Variants in C22orf15 observed in about 807,000 individuals in gnomAD.
C22orf15 encodes the protein chromosome 22 open reading frame 15, also known as uncharacterized protein C22orf15.
C22orf15 carries 21 observed loss-of-function variants against 20.3 expected under a neutral mutation model. The observed-to-expected ratio is 1.04, with a 90% CI of 0.74 to 1.49. The LOEUF (loss-of-function observed/expected upper bound fraction) is 1.49. Among genes scored for constraint, C22orf15 ranks in the 40% most tolerant of loss-of-function variants. C22orf15 has a pLI of 0.00. For missense variants in C22orf15, 170 were observed against 191.1 expected (o/e 0.89, Z 0.65); for synonymous variants, 78 against 75.4 (o/e 1.03, Z -0.18).
At chr22:23,763,967 T>C in intron 1 of C22orf15, 120 bp from the exon 2 acceptor site, 1 of 936,350 alleles carries the variant, frequency 1.1e-6, no homozygotes, top group Non-Finnish European at 1.7e-6. Flanking sequence ...CGGGGCACAG[T>C]CTTAGCCCAT....
At chr22:23,763,380 T>C in intron 1 of C22orf15, 49 bp downstream of exon 1, 9 of 1,513,830 alleles carry the variant, frequency 5.9e-6, no homozygotes, top group Non-Finnish European at 8.0e-6. Flanking sequence ...ATGAGCACAC[T>C]CAGAGGCGTG....
Position 23,764,921 on chromosome 22 carries a change from A to T in C22orf15, c.435+19A>T. On this transcript the variant is annotated intron_variant, in intron 5 of 5. Coordinates refer to ENST00000402217, the MANE Select transcript of C22orf15 (RefSeq NM_182520.3). ...CAGAAAGGTGAGCTCCCTGCCACCC[A>T]GGAGTTGCTAGCTGGGGCAGGGAGC... 6.3e-7 allele frequency: 1 copy of T among 1,597,356 alleles called. No homozygotes were observed. Among genetic ancestry groups the T allele is most frequent in the Non-Finnish European group, 8.5e-7 (1 of 1,170,480 alleles).
chr22:23,765,177 A>T, intron 5 of C22orf15: 1 of 1,437,846 alleles, frequency 7.0e-7, no homozygotes, highest in Non-Finnish European at 9.1e-7. Context: ...GGGCTGGCAC[A>T]CAGTAGGAGC....
At position 23,763,225 on chromosome 22, in the gene C22orf15, C is replaced by T. The variant is rs1269556353; in HGVS notation, c.-82C>T. On this transcript the variant is annotated 5_prime_UTR_variant, in exon 1 of 6. Transcript: ENST00000402217. The stretch of plus-strand genomic sequence containing the variant: ...TCCAGAGCCCGGCCCTGAAGCAGGT[C>T]TCTGCTCCACGCTTTTCCTTAGTTG... 4 of 1,527,806 alleles carry T rather than the reference C, an allele frequency of 2.6e-6. No homozygotes were observed. The African/African-American group carries it at 5.5e-5, about 21-fold the overall frequency. 94.6% of individuals were successfully genotyped at this position (1,527,806 alleles called of 1,614,324 possible). A position where few individuals can be genotyped will look rare whatever the true frequency, so the allele number is the denominator to read the frequency against.
Position 23,765,507 on chromosome 22 carries a change from G to C in C22orf15, c.436-214G>C, listed in dbSNP as rs189824410. The stretch of plus-strand genomic sequence containing the variant: ...GGGGCACCTAAGCTGTGGGTGCAGA[G>C]AATGGGATGCAGAGGTAGAGACAAG... On this transcript the variant is annotated intron_variant, in intron 5 of 5. Coordinates refer to ENST00000402217, the MANE Select transcript of C22orf15 (RefSeq NM_182520.3). 29 of 1,550,404 alleles carry C rather than the reference G, an allele frequency of 1.9e-5. No homozygotes were observed. The African/African-American group carries it at 3.6e-4, about 19-fold the overall frequency.
chr22:23,765,127 A>G, intron 5 of C22orf15: 4 of 1,434,588 alleles, frequency 2.8e-6, no homozygotes, highest in Non-Finnish European at 9.1e-7. Context: ...CCAGCGCACT[A>G]AGGGCCGGAA....
At chr22:23,765,092 A>G in intron 5 of C22orf15, 190 bp downstream of exon 5, 1 of 1,441,782 alleles carries the variant, frequency 6.9e-7, no homozygotes, top group Non-Finnish European at 9.1e-7. Context: ...ACCCTGAGAC[A>G]GGTCCCCACC....
Position 23,763,175 on chromosome 22 carries a change from C to A in C22orf15, c.-132C>A, listed in dbSNP as rs937601545. The A allele has an allele frequency of 2.4e-6, 3 of 1,271,264 alleles. No individual in the cohort carries two copies. The Admixed American group carries it at 6.8e-5, about 29-fold the overall frequency. The allele number at this position is 1,271,264 out of a possible 1,614,324, so 78.7% of individuals were successfully genotyped here. On this transcript the variant is annotated 5_prime_UTR_variant, in exon 1 of 6. Transcript: ENST00000402217. ...GGGCCTGGCCCTGGGACCCAGCCAT[C>A]CACACTCACACATCCACTTCTCCCT...
Position 23,764,710 on chromosome 22 carries a change from G to A in C22orf15, c.322G>A (p.Ala108Thr), listed in dbSNP as rs752475063. 4 of 1,614,194 alleles carry A rather than the reference G, an allele frequency of 2.5e-6. No individual in the cohort carries two copies. In the South Asian group the frequency reaches 4.4e-5, roughly 18 times the overall value. The change falls in exon 4 of 6, where the codon GCA (alanine) becomes ACA (threonine). Residue 108 changes from alanine (A) to threonine (T), a missense_variant. Coordinates refer to ENST00000402217, the MANE Select transcript of C22orf15 (RefSeq NM_182520.3). ...CCTGGATGACCATTACCCAGAGCTG[G>A]CAGGTGAGTGTCAGGGTACAGCCCA... ...ENLDDHYPELAEELRRLSGLS... is the reference protein window; with the variant it reads ...ENLDDHYPELTEELRRLSGLS...
At chr22:23,765,213 C>T (rs1926568883) in intron 5 of C22orf15, 24 of 1,452,178 alleles carry the variant, frequency 1.7e-5, no homozygotes, top group Non-Finnish European at 2.1e-5. Flanking sequence ...TGGATGAACT[C>T]AATGAAGGCG....
At chr22:23,764,590 G>C (rs1439599735) in intron 3 of C22orf15, 49 bp from the exon 4 acceptor site, 1 of 1,597,810 alleles carries the variant, frequency 6.3e-7, no homozygotes, top group East Asian at 2.2e-5. Flanking sequence ...GCAGAGTAGG[G>C]ACCATTAGGC....
rs1194741746 is a variant in C22orf15 at position 23,763,345 on chromosome 22, C to T, written c.25+14C>T. 1.3e-6 allele frequency: 2 copies of T among 1,547,652 alleles called. No homozygotes were observed. The highest frequency in any genetic ancestry group is 1.7e-6 in the Non-Finnish European group (2 of 1,145,682). On this transcript the variant is annotated intron_variant, in intron 1 of 5. Transcript: ENST00000402217. ...TGATGTTTGGGGGTAAGTGGGGTCC[C>T]CTGTCTTGGTAGGCGGATAGGGGGA...
At chr22:23,763,472 G>A (rs2145914879) in intron 1 of C22orf15, 141 bp downstream of exon 1, 1 of 978,726 alleles carries the variant, frequency 1.0e-6, no homozygotes. Flanking sequence ...TCGGGGAAGC[G>A]GCTCTGTGAG....
intron 5 of C22orf15, 69 bp from the exon 6 acceptor site, chr22:23,765,652 A>T (rs1208872169): frequency 2.6e-6 from 4 of 1,519,206 alleles, no homozygotes; most frequent in Non-Finnish European, 3.5e-6. Context: ...CTCACTCTGG[A>T]CTGCCCAAGG....
Position 23,765,845 on chromosome 22 carries a change from A to C in C22orf15, c.*113A>C. The C allele has an allele frequency of 6.5e-7, 1 of 1,532,032 alleles. No individual in the cohort carries two copies. The highest frequency in any genetic ancestry group is 8.9e-7 in the Non-Finnish European group (1 of 1,128,182). The allele number at this position is 1,532,032 out of a possible 1,614,324, so 94.9% of individuals were successfully genotyped here. On this transcript the variant is annotated 3_prime_UTR_variant, in exon 6 of 6. Transcript: ENST00000402217. Reference sequence around the variant, plus strand: ...GGCACACAACAGGCTGTGGTCTAAAATAAACTTTTAATTGCACATTTGTGT... The same window carrying C: ...GGCACACAACAGGCTGTGGTCTAAACTAAACTTTTAATTGCACATTTGTGT...
chr22:23,764,977 A>G, intron 5 of C22orf15, 75 bp downstream of exon 5: 1 of 1,531,438 alleles, frequency 6.5e-7, no homozygotes, highest in Non-Finnish European at 8.7e-7. Flanking sequence ...ACATCCACAG[A>G]GACACCCAGA....
rs946761383 is a variant in C22orf15, at chr22:23,765,820, G to C, written c.*88G>C. Reference sequence around the variant, plus strand: ...TCCCTGAAGACAGGCCATCGAGAGAGGCACACAACAGGCTGTGGTCTAAAA... The same window carrying C: ...TCCCTGAAGACAGGCCATCGAGAGACGCACACAACAGGCTGTGGTCTAAAA... On this transcript the variant is annotated 3_prime_UTR_variant, in exon 6 of 6. Transcript: ENST00000402217. The C allele has an allele frequency of 5.9e-6, 9 of 1,531,860 alleles. No homozygotes were observed. The East Asian group carries it at 1.7e-4, about 29-fold the overall frequency. 94.9% of individuals were successfully genotyped at this position (1,531,860 alleles called of 1,614,324 possible). A position where few individuals can be genotyped will look rare whatever the true frequency, so the allele number is the denominator to read the frequency against.
chr22:23,765,250 C>T (rs552736268), intron 5 of C22orf15: 13 of 1,488,260 alleles, frequency 8.7e-6, no homozygotes, highest in Admixed American at 2.2e-5. Flanking sequence ...TGGCACGGCC[C>T]ACACTGGGTT....
At position 23,764,294 on chromosome 22, in the gene C22orf15, A is replaced by G; in HGVS notation, c.147A>G (p.Leu49=). 1 of 1,551,632 alleles carries G rather than the reference A, an allele frequency of 6.4e-7. No individual in the cohort carries two copies. Among genetic ancestry groups the G allele is most frequent in the Non-Finnish European group, 8.7e-7 (1 of 1,146,956 alleles). The part of the protein sequence containing the change: ...TIALLAEDGN[L]VSLEEDLKEG... ...CTCTCCTGGCTGAGGATGGCAACCT[A>G]GTGAGCCTGGAGGAGGACCTGAAGG... The change falls in exon 3 of 6, where the codon CTA becomes CTG. Residue 49 remains leucine, a synonymous_variant. Transcript: ENST00000402217.
Sources: allele counts gnomAD v4.1 joint callset, GRCh38; gene constraint gnomAD v4.1.1; transcripts MANE v1.5; gene names NCBI Gene and HGNC (gene_info 2026-07-23, HGNC 2026-07-21).